EPHA7: variants seen among roughly 807,000 people sequenced by gnomAD.
EPHA7 encodes the protein ephrin type-A receptor 7.
Under a neutral mutation model 112.6 loss-of-function variants are expected in EPHA7, and 25 were observed. That is an observed-to-expected ratio of 0.22 (90% CI 0.16 to 0.31). The LOEUF is 0.31. Ranked by LOEUF, EPHA7 falls within the 10% of genes least tolerant of loss-of-function variation. The pLI, the probability that EPHA7 is intolerant of heterozygous loss-of-function variation, is 1.00. For synonymous variants in EPHA7, 437 were observed against 406.5 expected (o/e 1.07, Z -0.90); for missense variants, 962 against 1,212.6 (o/e 0.79, Z 3.07).
At chr6:93,267,336 A>C (rs1401668787) in intron 7 of EPHA7, among the ~76,000 whole-genome samples, 1 of 151,726 alleles carries the variant, frequency 6.6e-6, no homozygotes, top group Non-Finnish European at 1.5e-5. Flanking sequence ...TGTTTTGTGA[A>C]TTGAGTACTA....
chr6:93,333,131 T>C (rs1315684551), intron 5 of EPHA7, among the ~76,000 whole-genome samples: 1 of 151,814 alleles, frequency 6.6e-6, no homozygotes, highest in Non-Finnish European at 1.5e-5. Context: ...TGAGAACATG[T>C]ACCATTTGGT....
intron 5 of EPHA7, among the ~76,000 whole-genome samples, chr6:93,327,104 T>C (rs928128993): frequency 6.6e-6 from 1 of 151,544 alleles, no homozygotes; most frequent in Non-Finnish European, 1.5e-5. Context: ...CTTTACTCTA[T>C]AAATCAGTGC....
At position 93,283,484 on chromosome 6, in the gene EPHA7, C is replaced by T. The variant is rs915127752; in HGVS notation, c.1325-11062G>A. Among the ~76,000 whole-genome samples, 31 of 152,210 alleles carry T rather than the reference C, an allele frequency of 2.0e-4. No homozygotes were observed. In the South Asian group the frequency reaches 2.3e-3, roughly 11 times the overall value. ...TTGCTGCTGCTCACTCTTTTGGGTC[C>T]ACATTGCCTTTATGAGCTGTAACAA... On this transcript the variant is annotated intron_variant, in intron 5 of 16. Transcript: ENST00000369303.
chr6:93,391,653 T>C lies in EPHA7; in HGVS notation c.832+18848A>G, dbSNP rs114877658. Among the ~76,000 whole-genome samples the C allele has an allele frequency of 4.3e-3, 649 of 152,050 alleles. 7 individuals carry two copies. The highest frequency in any genetic ancestry group is 0.015 in the African/African-American group (603 of 41,538). On this transcript the variant is annotated intron_variant, in intron 3 of 16. Coordinates refer to ENST00000369303, the MANE Select transcript of EPHA7 (RefSeq NM_004440.4). ...ATCTATATATTTATGAATATATCTA[T>C]AGGTTTATGAACTCTCTCTATTATA... is the stretch of plus-strand genomic sequence containing the variant.
intron 3 of EPHA7, among the ~76,000 whole-genome samples, chr6:93,377,633 A>G (rs1777129446): frequency 6.6e-6 from 1 of 152,090 alleles, no homozygotes; most frequent in Non-Finnish European, 1.5e-5. Flanking sequence ...CAGTGTCCCT[A>G]TTTCAAATTT....
intron 5 of EPHA7, among the ~76,000 whole-genome samples, chr6:93,281,206 T>C (rs1432580538): frequency 6.6e-6 from 1 of 152,160 alleles, no homozygotes; most frequent in Non-Finnish European, 1.5e-5. Flanking sequence ...TACATCATTG[T>C]AAGAAAATGA....
intron 1 of EPHA7, among the ~76,000 whole-genome samples, 183 bp downstream of exon 1, chr6:93,419,062 C>A (rs1046905260): frequency 6.6e-6 from 1 of 152,194 alleles, no homozygotes; most frequent in African/African-American, 2.4e-5. Flanking sequence ...CGGCTCGGAA[C>A]AGCCCTGGTT....
At chr6:93,406,804 T>C (rs1053146653) in intron 3 of EPHA7, among the ~76,000 whole-genome samples, 3 of 151,874 alleles carry the variant, frequency 2.0e-5, no homozygotes, top group African/African-American at 7.2e-5. Flanking sequence ...AATTGAAATA[T>C]ACTTCAGTAT....
chr6:93,395,962 C>A (rs1423930817), intron 3 of EPHA7, among the ~76,000 whole-genome samples: 1 of 151,898 alleles, frequency 6.6e-6, no homozygotes, highest in East Asian at 1.9e-4. Flanking sequence ...CGATTGGATT[C>A]TCTACCTTTT....
intron 3 of EPHA7, among the ~76,000 whole-genome samples, chr6:93,380,892 A>G (rs1245158055): frequency 6.6e-6 from 1 of 152,148 alleles, no homozygotes; most frequent in Non-Finnish European, 1.5e-5. Flanking sequence ...ATGTATTGGC[A>G]AGTACCTCTG....
intron 3 of EPHA7, among the ~76,000 whole-genome samples, chr6:93,371,158 T>A (rs1344536594): frequency 2.0e-5 from 3 of 150,578 alleles, no homozygotes; most frequent in African/African-American, 7.3e-5. Flanking sequence ...AGTGAGACTC[T>A]GTCTCAAAAA....
chr6:93,314,165 G>A (rs1412556354), intron 5 of EPHA7, among the ~76,000 whole-genome samples: 1 of 151,394 alleles, frequency 6.6e-6, no homozygotes, highest in African/African-American at 2.4e-5. Flanking sequence ...CTTAACAATA[G>A]CTGTCTCAAA....
rs565430217 is a variant in EPHA7, at chr6:93,359,434, A to G, written c.833-1023T>C. Among the ~76,000 whole-genome samples, 7 of 151,664 alleles carry G rather than the reference A, an allele frequency of 4.6e-5. No individual in the cohort carries two copies. In the East Asian group the frequency reaches 1.4e-3, roughly 29 times the overall value. ...ATTTATTAAATAAACATCTACTTAAATTTCAGTAACCTTCATATTTAGCTA... is the reference window on the plus strand; with the variant it reads ...ATTTATTAAATAAACATCTACTTAAGTTTCAGTAACCTTCATATTTAGCTA... On this transcript the variant is annotated intron_variant, in intron 3 of 16. Coordinates refer to ENST00000369303, the MANE Select transcript of EPHA7 (RefSeq NM_004440.4).
intron 3 of EPHA7, among the ~76,000 whole-genome samples, chr6:93,383,674 GC>G (rs1233802652): frequency 6.6e-6 from 1 of 152,092 alleles, no homozygotes; most frequent in East Asian, 1.9e-4. Context: ...ATCAGAGAGG[GC>G]TTCCTGGAGG....
chr6:93,359,872 GAGAGAT>G (rs1477709574), intron 3 of EPHA7, among the ~76,000 whole-genome samples: 1,672 of 126,920 alleles, frequency 0.013, 33 homozygotes, highest in African/African-American at 0.046. Context: ...GAGAGAGAGA[GAGAGAT>G]AGATAGATAG....
rs74365291 is a variant in EPHA7 at position 93,417,756 on chromosome 6, G to A, written c.97+1489C>T. Among the ~76,000 whole-genome samples the A allele has an allele frequency of 3.7e-4, 57 of 152,170 alleles. 1 individual carries two copies. In the East Asian group the frequency reaches 8.0e-3, roughly 21 times the overall value. Reference sequence around the variant, plus strand: ...ATGTGGTTTTGGAGGGGATGAGCGTGCGTTTCTAGCAGATGTCCGTCCTTC... The same window carrying A: ...ATGTGGTTTTGGAGGGGATGAGCGTACGTTTCTAGCAGATGTCCGTCCTTC... On this transcript the variant is annotated intron_variant, in intron 1 of 16. Coordinates refer to ENST00000369303, the MANE Select transcript of EPHA7 (RefSeq NM_004440.4).
At chr6:93,352,790 A>G (rs1052793620) in intron 5 of EPHA7, among the ~76,000 whole-genome samples, 2 of 152,100 alleles carry the variant, frequency 1.3e-5, no homozygotes, top group Admixed American at 1.3e-4. Flanking sequence ...TTGCAGTGAC[A>G]TGGATGAAGT....
At chr6:93,395,569 C>T (rs111783914) in intron 3 of EPHA7, among the ~76,000 whole-genome samples, 379 of 122,716 alleles carry the variant, frequency 3.1e-3, no homozygotes, top group African/African-American at 0.012. Context: ...TATATCTTTA[C>T]TTATTTCACA....
intron 5 of EPHA7, among the ~76,000 whole-genome samples, chr6:93,297,190 C>A (rs1772716974): frequency 2.0e-5 from 3 of 151,952 alleles, no homozygotes; most frequent in African/African-American, 7.2e-5. Context: ...CTAATTTAAT[C>A]CTCAAAACTG....
Sources: allele counts gnomAD v4.1 joint callset (sites outside exome capture counted in the v4.1 genomes callset), GRCh38; gene constraint gnomAD v4.1.1; transcripts MANE v1.5; gene names NCBI Gene and HGNC (gene_info 2026-07-23, HGNC 2026-07-21).